RBFOX1: variants seen among roughly 807,000 people sequenced by gnomAD.
RBFOX1 encodes the protein RNA binding protein fox-1 homolog 1.
In RBFOX1, 8 loss-of-function variants were observed where a neutral mutation model predicts 57.7. That is an observed-to-expected ratio of 0.14 (90% CI 0.08 to 0.25). RBFOX1 has a LOEUF of 0.25. Ranked by LOEUF, RBFOX1 falls within the 10% of genes least tolerant of loss-of-function variation. RBFOX1 has a pLI of 1.00. For missense variants in RBFOX1, 611 were observed against 548.5 expected (o/e 1.11, Z -1.14); for synonymous variants, 326 against 222.4 (o/e 1.47, Z -4.15).
chr16:5,427,180 A>G (rs573690904), intron 1 of RBFOX1, among the ~76,000 whole-genome samples: 66 of 152,368 alleles, frequency 4.3e-4, no homozygotes, highest in Non-Finnish European at 8.8e-4. Flanking sequence ...GGCTCACCAG[A>G]GAATTAGGAT....
chr16:7,257,704 T>C (rs1425666325), intron 4 of RBFOX1, among the ~76,000 whole-genome samples: 1 of 152,198 alleles, frequency 6.6e-6, no homozygotes, highest in African/African-American at 2.4e-5. Flanking sequence ...GGCCAGGAAA[T>C]CTCTCCCTTG....
intron 1 of RBFOX1, among the ~76,000 whole-genome samples, chr16:5,373,059 C>G (rs1275502138): frequency 6.6e-6 from 1 of 152,192 alleles, no homozygotes; most frequent in African/African-American, 2.4e-5. Context: ...CACCTCTTCT[C>G]ACTTCTGAAA....
chr16:6,567,114 C>G (rs1391262844), intron 2 of RBFOX1, among the ~76,000 whole-genome samples: 1 of 152,166 alleles, frequency 6.6e-6, no homozygotes, highest in Non-Finnish European at 1.5e-5. Context: ...AGCAGGCTGT[C>G]CAGATTTCTC....
Position 5,810,777 on chromosome 16 carries a change from C to A in RBFOX1, c.319-56526C>A, listed in dbSNP as rs568616609. Among the ~76,000 whole-genome samples, 10 of 152,208 alleles carry A rather than the reference C, an allele frequency of 6.6e-5. No homozygotes were observed. In the East Asian group the frequency reaches 1.9e-3, roughly 29 times the overall value. ...ACTGAGCCTCCTGCTTTGGTAGCTCCCCTCTGAGTTACGTGTATGTGTGCA... is the reference window on the plus strand; with the variant it reads ...ACTGAGCCTCCTGCTTTGGTAGCTCACCTCTGAGTTACGTGTATGTGTGCA... On this transcript the variant is annotated intron_variant, in intron 3 of 19. Transcript: ENST00000641259.
intron 4 of RBFOX1, among the ~76,000 whole-genome samples, chr16:7,244,180 A>G (rs925413241): frequency 3.4e-4 from 51 of 151,862 alleles, no homozygotes; most frequent in African/African-American, 1.1e-3. Flanking sequence ...AGAGTAAATA[A>G]ACATTTATAA....
intron 3 of RBFOX1, among the ~76,000 whole-genome samples, chr16:6,949,470 C>G (rs1439748402): frequency 3.3e-5 from 5 of 152,180 alleles, no homozygotes; most frequent in Non-Finnish European, 2.9e-5. Context: ...TTTTCTTACC[C>G]TTCTGGAGGC....
chr16:6,373,110 A>C (rs924132218), intron 2 of RBFOX1, among the ~76,000 whole-genome samples: 1 of 151,812 alleles, frequency 6.6e-6, no homozygotes, highest in Non-Finnish European at 1.5e-5. Flanking sequence ...GGTGGAATGG[A>C]GATTGGGTGG....
At chr16:6,815,759 T>C (rs1288431674) in intron 3 of RBFOX1, among the ~76,000 whole-genome samples, 2 of 152,212 alleles carry the variant, frequency 1.3e-5, no homozygotes, top group African/African-American at 2.4e-5. Context: ...GTCTATAGTT[T>C]GCAGCCAAAC....
intron 3 of RBFOX1, among the ~76,000 whole-genome samples, chr16:6,733,361 G>A (rs1017490179): frequency 6.6e-6 from 1 of 152,108 alleles, no homozygotes; most frequent in Non-Finnish European, 1.5e-5. Context: ...CAGATATGCT[G>A]AACTGATCTG....
chr16:5,257,973 G>C (rs1417330088), intron 1 of RBFOX1, among the ~76,000 whole-genome samples: 1 of 152,048 alleles, frequency 6.6e-6, no homozygotes, highest in Admixed American at 6.6e-5. Flanking sequence ...TGACCTTCTG[G>C]GCTCAGGTGA....
At chr16:6,993,246 C>G (rs1208742789) in intron 3 of RBFOX1, among the ~76,000 whole-genome samples, 4 of 152,256 alleles carry the variant, frequency 2.6e-5, no homozygotes, top group Admixed American at 1.3e-4. Context: ...AGAGGGGACC[C>G]TGCACACACC....
At chr16:7,144,959 C>T (rs949226666) in intron 4 of RBFOX1, among the ~76,000 whole-genome samples, 7 of 152,124 alleles carry the variant, frequency 4.6e-5, no homozygotes, top group African/African-American at 1.7e-4. Flanking sequence ...TCCCCCTCCC[C>T]CAGTGGAGTG....
intron 2 of RBFOX1, among the ~76,000 whole-genome samples, chr16:6,488,356 TGATGAG>T (rs1217989589): frequency 1.3e-5 from 2 of 152,196 alleles, no homozygotes; most frequent in African/African-American, 4.8e-5. Context: ...TGTATTAAAA[TGATGAG>T]GATGAGGATG....
chr16:5,315,749 T>C (rs2064219672), intron 1 of RBFOX1, among the ~76,000 whole-genome samples: 3 of 152,172 alleles, frequency 2.0e-5, no homozygotes, highest in Admixed American at 2.0e-4. Flanking sequence ...CCTGCATTGC[T>C]CCCTTCTGAA....
chr16:7,527,317 C>T (rs1035467810), intron 5 of RBFOX1, among the ~76,000 whole-genome samples: 4 of 152,102 alleles, frequency 2.6e-5, no homozygotes, highest in South Asian at 2.1e-4. Flanking sequence ...TTACCCAATA[C>T]TGTGCCTGTT....
chr16:5,893,469 C>A (rs1198135671), intron 4 of RBFOX1, among the ~76,000 whole-genome samples: 1 of 152,152 alleles, frequency 6.6e-6, no homozygotes, highest in East Asian at 1.9e-4. Flanking sequence ...ATGGAGACCC[C>A]ATTTAACCTG....
At chr16:7,416,398 T>C (rs770546276) in intron 4 of RBFOX1, among the ~76,000 whole-genome samples, 1 of 152,220 alleles carries the variant, frequency 6.6e-6, no homozygotes, top group Non-Finnish European at 1.5e-5. Context: ...TTCTCTCTCA[T>C]GCTTACTGAT....
intron 4 of RBFOX1, among the ~76,000 whole-genome samples, chr16:7,068,882 C>T (rs971970464): frequency 6.6e-6 from 1 of 152,218 alleles, no homozygotes; most frequent in South Asian, 2.1e-4. Context: ...AGCCACCGCG[C>T]CCGGCCTGAT....
rs527428808 is a variant in RBFOX1, at chr16:7,255,789, T to G, written c.27+203691T>G. ...AATATAGAAATATTAACAATATATT[T>G]TACATTTTTTTGTGCTAAATCTTCA... On this transcript the variant is annotated intron_variant, in intron 4 of 15. Coordinates refer to ENST00000550418, the MANE Select transcript of RBFOX1 (RefSeq NM_018723.4). Among the ~76,000 whole-genome samples, 4 of 152,328 alleles carry G rather than the reference T, an allele frequency of 2.6e-5. No individual in the cohort carries two copies. The East Asian group carries it at 7.7e-4, about 29-fold the overall frequency.
Sources: allele counts gnomAD v4.1 joint callset (sites outside exome capture counted in the v4.1 genomes callset), GRCh38; gene constraint gnomAD v4.1.1; transcripts MANE v1.5; gene names NCBI Gene and HGNC (gene_info 2026-07-23, HGNC 2026-07-21).